PCDH15: variants seen among roughly 807,000 people sequenced by gnomAD.
The protein encoded by PCDH15 is protocadherin related 15.
A neutral mutation model predicts 178.5 loss-of-function variants in PCDH15; 129 were observed. That is an observed-to-expected ratio of 0.72 (90% confidence interval 0.63 to 0.84). The LOEUF is 0.84. Ranked by LOEUF, PCDH15 falls within the 40% of genes least tolerant of loss-of-function variation. PCDH15 has a pLI of 0.00. For missense variants in PCDH15, 2,230 were observed against 2,099.9 expected (o/e 1.06, Z -1.21); for synonymous variants, 800 against 732.0 (o/e 1.09, Z -1.50).
chr10:54,527,192 G>A (rs374690763), intron 3 of PCDH15, among the ~76,000 whole-genome samples: 10 of 152,156 alleles, frequency 6.6e-5, no homozygotes, highest in African/African-American at 1.9e-4. Context: ...CAAGGTGGCC[G>A]ATGCAGAACA....
intron 26 of PCDH15, among the ~76,000 whole-genome samples, chr10:53,881,120 A>T (rs568596242): frequency 6.6e-6 from 1 of 152,342 alleles, no homozygotes; most frequent in Non-Finnish European, 1.5e-5. Context: ...GTTTGCTAAA[A>T]AGAAATGGCT....
intron 2 of PCDH15, among the ~76,000 whole-genome samples, chr10:54,999,504 A>G (rs1839741609): frequency 6.6e-6 from 1 of 152,190 alleles, no homozygotes; most frequent in Non-Finnish European, 1.5e-5. Context: ...TGTTCAGGAA[A>G]GATTGGCCTT....
intron 2 of PCDH15, among the ~76,000 whole-genome samples, chr10:55,016,655 A>G (rs1455486541): frequency 6.6e-6 from 1 of 152,154 alleles, no homozygotes; most frequent in Admixed American, 6.6e-5. Flanking sequence ...TCATCTGTTG[A>G]TGGACACAGG....
intron 2 of PCDH15, among the ~76,000 whole-genome samples, chr10:54,580,820 C>G (rs915887723): frequency 6.6e-6 from 1 of 151,962 alleles, no homozygotes; most frequent in Admixed American, 6.6e-5. Context: ...TGATTCACCA[C>G]ATAAACAAAA....
chr10:54,205,306 A>T (rs1303331504), intron 10 of PCDH15, among the ~76,000 whole-genome samples: 1 of 151,860 alleles, frequency 6.6e-6, no homozygotes, highest in Non-Finnish European at 1.5e-5. Context: ...AGTCATTATC[A>T]CTCTTCTTCA....
intron 2 of PCDH15, among the ~76,000 whole-genome samples, chr10:55,100,924 G>T (rs1388727923): frequency 6.6e-6 from 1 of 152,098 alleles, no homozygotes; most frequent in Non-Finnish European, 1.5e-5. Context: ...GTAATTCACT[G>T]CAATTCCTAA....
chr10:54,939,786 T>A (rs1190917783), intron 2 of PCDH15, among the ~76,000 whole-genome samples: 1 of 152,228 alleles, frequency 6.6e-6, no homozygotes, highest in African/African-American at 2.4e-5. Context: ...TCAGAAACAA[T>A]GCCTTTTTGT....
At chr10:54,898,565 T>C (rs1022982622) in intron 2 of PCDH15, among the ~76,000 whole-genome samples, 2 of 152,154 alleles carry the variant, frequency 1.3e-5, no homozygotes, top group Non-Finnish European at 2.9e-5. Flanking sequence ...TAATCCATTG[T>C]ATCATTTTTC....
intron 13 of PCDH15, among the ~76,000 whole-genome samples, chr10:54,155,826 G>A (rs12254547): frequency 0.014 from 2,149 of 149,138 alleles, 63 homozygotes; most frequent in African/African-American, 0.051. Flanking sequence ...AAACCTCAAC[G>A]ACATTACACA....
At chr10:54,172,330 C>A (rs1359182002) in intron 13 of PCDH15, among the ~76,000 whole-genome samples, 1 of 151,904 alleles carries the variant, frequency 6.6e-6, no homozygotes, top group Non-Finnish European at 1.5e-5. Flanking sequence ...CGCCAGAGAA[C>A]AAACCCCCTT....
At chr10:55,492,158 A>G (rs1050691418) in intron 2 of PCDH15, among the ~76,000 whole-genome samples, 3 of 151,808 alleles carry the variant, frequency 2.0e-5, no homozygotes, top group East Asian at 3.9e-4. Flanking sequence ...CAAAACTTCA[A>G]TGTCTCAGAA....
At chr10:53,952,567 A>G (rs973275518) in intron 23 of PCDH15, among the ~76,000 whole-genome samples, 7 of 152,186 alleles carry the variant, frequency 4.6e-5, no homozygotes, top group Admixed American at 1.3e-4. Flanking sequence ...AGAAAGCACC[A>G]TAAGTTCTCA....
intron 2 of PCDH15, among the ~76,000 whole-genome samples, chr10:55,140,924 C>T (rs1293191892): frequency 6.6e-6 from 1 of 151,982 alleles, no homozygotes; most frequent in African/African-American, 2.4e-5. Context: ...TCTACAGAAT[C>T]TGTAGTGATA....
chr10:54,428,642 A>C (rs1439533543), intron 3 of PCDH15, among the ~76,000 whole-genome samples: 1 of 152,076 alleles, frequency 6.6e-6, no homozygotes, highest in East Asian at 1.9e-4. Flanking sequence ...GCATTCGATA[A>C]TCATACTCCC....
At chr10:55,132,112 A>T (rs969257870) in intron 2 of PCDH15, among the ~76,000 whole-genome samples, 1 of 152,130 alleles carries the variant, frequency 6.6e-6, no homozygotes, top group African/African-American at 2.4e-5. Flanking sequence ...AGCTCCATGG[A>T]GTGTGTAGCC....
chr10:55,347,751 A>G (rs1844801858), intron 2 of PCDH15, among the ~76,000 whole-genome samples: 1 of 152,204 alleles, frequency 6.6e-6, no homozygotes, highest in African/African-American at 2.4e-5. Flanking sequence ...TGTTTTATAT[A>G]TTTTAAACAA....
chr10:54,108,094 C>T (rs1050636506), intron 15 of PCDH15, among the ~76,000 whole-genome samples: 1 of 152,070 alleles, frequency 6.6e-6, no homozygotes, highest in Non-Finnish European at 1.5e-5. Flanking sequence ...GATGTCAAAG[C>T]AAGAGTGGAG....
chr10:54,857,622 CTTT>C (rs527831721), intron 3 of PCDH15, among the ~76,000 whole-genome samples: 3 of 142,230 alleles, frequency 2.1e-5, no homozygotes, highest in Non-Finnish European at 4.6e-5. Flanking sequence ...ATTTTTTTTT[CTTT>C]TTTTTTTTTT....
chr10:54,881,276 T>A (rs1954258340), intron 3 of PCDH15, among the ~76,000 whole-genome samples: 1 of 152,052 alleles, frequency 6.6e-6, no homozygotes, highest in South Asian at 2.1e-4. Flanking sequence ...CAGGCAGACC[T>A]ATTCTCCCCT....
Sources: allele counts gnomAD v4.1 joint callset (sites outside exome capture counted in the v4.1 genomes callset), GRCh38; gene constraint gnomAD v4.1.1; transcripts MANE v1.5; gene names NCBI Gene and HGNC (gene_info 2026-07-23, HGNC 2026-07-21).